Variants in TAF13 observed in about 807,000 individuals in gnomAD.
TAF13 encodes the protein transcription initiation factor TFIID subunit 13.
Under a neutral mutation model 18.7 loss-of-function variants are expected in TAF13, and 9 were observed. That is an observed-to-expected ratio of 0.48 (90% CI 0.29 to 0.84). The LOEUF is 0.84. TAF13 is among the 40% of genes least tolerant of loss of function. The probability of loss-of-function intolerance (pLI) is 0.08; values close to 1 mark genes in which losing one functional copy is unlikely to be tolerated. For missense variants in TAF13, 105 were observed against 146.5 expected, an observed-to-expected ratio of 0.72 and a Z score of 1.46; for synonymous variants, 49 against 44.1, an observed-to-expected ratio of 1.11 and a Z score of -0.44.
chr1:109,071,793 A>G (rs990096597), intron 2 of TAF13, among the ~76,000 whole-genome samples: 6 of 151,272 alleles, frequency 4.0e-5, no homozygotes, highest in Non-Finnish European at 7.4e-5. Flanking sequence ...CTCTACTAAC[A>G]ATACCAAAAT....
intron 2 of TAF13, among the ~76,000 whole-genome samples, chr1:109,068,317 T>C (rs1663986385): frequency 1.3e-5 from 2 of 152,048 alleles, no homozygotes; most frequent in Admixed American, 6.6e-5. Flanking sequence ...TTGTATTTTT[T>C]AGTAGAGTCA....
chr1:109,066,739 C>T (rs1396907089), intron 2 of TAF13, among the ~76,000 whole-genome samples: 1 of 152,082 alleles, frequency 6.6e-6, no homozygotes, highest in African/African-American at 2.4e-5. Flanking sequence ...TTTCTTGAGA[C>T]AGAGTCTCGC....
At chr1:109,067,177 G>A (rs189406045) in intron 2 of TAF13, among the ~76,000 whole-genome samples, 269 of 152,276 alleles carry the variant, frequency 1.8e-3, no homozygotes, top group Middle Eastern at 0.01. Flanking sequence ...ATAAGTCTAG[G>A]TCGGGTGCAG....
At chr1:109,065,702 C>T (rs1663940884) in intron 3 of TAF13, among the ~76,000 whole-genome samples, 1 of 152,122 alleles carries the variant, frequency 6.6e-6, no homozygotes, top group Non-Finnish European at 1.5e-5. Context: ...GCTGGCGGAT[C>T]ACCTGAGGTT....
chr1:109,064,792 CTTA>C (rs370951849), intron 3 of TAF13, 99 bp from the exon 4 acceptor site: 282 of 985,396 alleles, frequency 2.9e-4, no homozygotes, highest in East Asian at 2.6e-3. Context: ...AAGATTTTCT[CTTA>C]TTATTATTAT....
rs191263860 is a variant in TAF13, at chr1:109,066,844, C to T, written c.107-612G>A. On this transcript the variant is annotated intron_variant, in intron 2 of 3. Coordinates refer to ENST00000338366, the MANE Select transcript of TAF13 (RefSeq NM_005645.4). The stretch of plus-strand genomic sequence containing the variant: ...ACACCATTCTCCTGCCTCAGCCTCC[C>T]GAGTAGCTGGGACTACAGGCACCCA... Among the ~76,000 whole-genome samples the T allele has an allele frequency of 6.6e-3, 997 of 152,156 alleles. 18 individuals are homozygous for T. Among genetic ancestry groups the T allele is most frequent in the African/African-American group, 0.023 (940 of 41,514 alleles).
rs2102105455 is a variant in TAF13 at position 109,066,134 on chromosome 1, C to A, written c.204+1G>T. On this transcript the variant is annotated splice_donor_variant, in intron 3 of 3. Coordinates refer to ENST00000338366, the MANE Select transcript of TAF13 (RefSeq NM_005645.4). LOFTEE classifies it high-confidence loss of function. ...TAAGACCAGTTAGGAAAGAATCTTA[C>A]CATTTCAGTGATAAACTCTATGACA... 6.2e-7 allele frequency: 1 copy of A among 1,604,918 alleles called. No homozygotes were observed. The highest frequency in any genetic ancestry group is 8.5e-7 in the Non-Finnish European group (1 of 1,176,758).
At chr1:109,067,637 TG>T (rs1279262966) in intron 2 of TAF13, among the ~76,000 whole-genome samples, 1 of 151,996 alleles carries the variant, frequency 6.6e-6, no homozygotes, top group Non-Finnish European at 1.5e-5. Context: ...TAAGAGAGAC[TG>T]TGTCTCAAAA....
intron 2 of TAF13, among the ~76,000 whole-genome samples, chr1:109,074,158 A>G (rs1053287091): frequency 1.3e-5 from 2 of 152,244 alleles, no homozygotes; most frequent in African/African-American, 2.4e-5. Flanking sequence ...GGGGAAAAGA[A>G]AGAGAGATCA....
At chr1:109,073,403 C>A (rs1298202910) in intron 2 of TAF13, among the ~76,000 whole-genome samples, 3 of 152,070 alleles carry the variant, frequency 2.0e-5, no homozygotes, top group Non-Finnish European at 2.9e-5. Flanking sequence ...TCTCCCTCCC[C>A]CTCCCCCTCG....
chr1:109,067,320 T>C (rs1663967581), intron 2 of TAF13, among the ~76,000 whole-genome samples: 1 of 151,554 alleles, frequency 6.6e-6, no homozygotes, highest in South Asian at 2.1e-4. Context: ...TAGCTGGGCG[T>C]AGGCCTGGAT....
At chr1:109,074,640 C>T (rs1471328208) in intron 2 of TAF13, among the ~76,000 whole-genome samples, 2 of 151,998 alleles carry the variant, frequency 1.3e-5, no homozygotes, top group African/African-American at 2.4e-5. Flanking sequence ...ATTAGGTGGG[C>T]GTGGTGGCCG....
chr1:109,067,673 G>C (rs966622789), intron 2 of TAF13, among the ~76,000 whole-genome samples: 1 of 152,044 alleles, frequency 6.6e-6, no homozygotes, highest in African/African-American at 2.4e-5. Flanking sequence ...GTCTAATACA[G>C]ACAAATAAAA....
intron 1 of TAF13, 102 bp from the exon 2 acceptor site, chr1:109,075,167 G>T: frequency 2.1e-6 from 2 of 946,302 alleles, no homozygotes; most frequent in Non-Finnish European, 3.1e-6. Context: ...AGGCCAGAAA[G>T]CCAAAGGAAG....
rs560189490 is a variant in TAF13 at position 109,073,417 on chromosome 1, G to T, written c.106+1570C>A. Among the ~76,000 whole-genome samples, 14 of 152,170 alleles carry T rather than the reference G, an allele frequency of 9.2e-5. No homozygotes were observed. The South Asian group carries it at 2.5e-3, about 27-fold the overall frequency. On this transcript the variant is annotated intron_variant, in intron 2 of 3. Coordinates refer to ENST00000338366, the MANE Select transcript of TAF13 (RefSeq NM_005645.4). ...CTCTCCCTCCCCCTCCCCCTCGTCT[G>T]CGTCTCCCGCTTTCCACCGTCTCCC...
chr1:109,068,219 T>C (rs548043572), intron 2 of TAF13, among the ~76,000 whole-genome samples: 1 of 152,310 alleles, frequency 6.6e-6, no homozygotes, highest in South Asian at 2.1e-4. Context: ...CACTGCAACC[T>C]CCACCTCCCG....
intron 2 of TAF13, among the ~76,000 whole-genome samples, chr1:109,071,346 C>A (rs1403249554): frequency 6.6e-6 from 1 of 151,316 alleles, no homozygotes; most frequent in South Asian, 2.1e-4. Context: ...GAGGCTGAGG[C>A]AGGAGAATTG....
Position 109,064,634 on chromosome 1 carries a change from GAAGA to G in TAF13, c.260_263del (p.Val87AlafsTer2), listed in dbSNP as rs1663920545. On this transcript the variant is annotated frameshift_variant, in exon 4 of 4. Coordinates refer to ENST00000338366, the MANE Select transcript of TAF13 (RefSeq NM_005645.4). LOFTEE classifies it high-confidence loss of function. ...ACTTCCTTGGGTCCTTTCGAATCAA[GAAGA>G]CGATATCTTCAACTTGTACTCGACC... The G allele has an allele frequency of 1.3e-6, 2 of 1,575,324 alleles. No individual in the cohort carries two copies. The highest frequency in any genetic ancestry group is 1.7e-6 in the Non-Finnish European group (2 of 1,160,948).
intron 2 of TAF13, among the ~76,000 whole-genome samples, chr1:109,073,778 G>A (rs920980342): frequency 3.3e-5 from 5 of 152,220 alleles, no homozygotes; most frequent in African/African-American, 9.6e-5. Context: ...GCCTCTGCCC[G>A]GCTGCCACCC....
Sources: gnomAD v4.1 joint callset for allele counts (sites outside exome capture counted in the v4.1 genomes callset) on GRCh38, gnomAD v4.1.1 for gene constraint, MANE v1.5 for transcripts, NCBI Gene and HGNC (gene_info 2026-07-23, HGNC 2026-07-21) for gene names.